TNS3: variants seen among roughly 807,000 people sequenced by gnomAD.
TNS3 encodes tensin 3, also known as tensin-3.
Under a neutral mutation model 140.9 loss-of-function variants are expected in TNS3, and 45 were observed. That is an observed-to-expected ratio of 0.32 (90% CI 0.25 to 0.41). The LOEUF (loss-of-function observed/expected upper bound fraction) is 0.41. Among genes scored for constraint, TNS3 ranks in the 10% least tolerant of loss-of-function variants. The probability of loss-of-function intolerance (pLI) is 1.00; values close to 1 mark genes in which losing one functional copy is unlikely to be tolerated. For synonymous variants in TNS3, 815 were observed against 788.4 expected (o/e 1.03, Z -0.56); for missense variants, 1,716 against 1,906.7 (o/e 0.90, Z 1.86).
chr7:47,314,773 G>T (rs1210584808), intron 20 of TNS3, among the ~76,000 whole-genome samples: 2 of 152,172 alleles, frequency 1.3e-5, no homozygotes, highest in Non-Finnish European at 2.9e-5. Flanking sequence ...GATGACCGGG[G>T]TGAGGAGCAG....
chr7:47,567,375 G>T (rs1358927511), intron 1 of TNS3, among the ~76,000 whole-genome samples: 2 of 152,012 alleles, frequency 1.3e-5, no homozygotes, highest in Non-Finnish European at 2.9e-5. Flanking sequence ...AAAAATACAA[G>T]GCCATTCACA....
chr7:47,351,937 C>G (rs1220208370), intron 17 of TNS3, among the ~76,000 whole-genome samples: 1 of 152,158 alleles, frequency 6.6e-6, no homozygotes, highest in Non-Finnish European at 1.5e-5. Flanking sequence ...CTCTCATGTG[C>G]TCCCAGTCTC....
chr7:47,335,604 T>C (rs1788590265), intron 20 of TNS3, among the ~76,000 whole-genome samples: 1 of 152,098 alleles, frequency 6.6e-6, no homozygotes, highest in African/African-American at 2.4e-5. Context: ...GCCTTCTCCG[T>C]CCCCCGACTC....
chr7:47,470,772 T>A, intron 4 of TNS3: 2 of 394,404 alleles, frequency 5.1e-6, no homozygotes, highest in Non-Finnish European at 6.9e-6. Context: ...CGGGTGGATG[T>A]AAGCTGACAC....
chr7:47,433,659 C>A (rs929981674), intron 8 of TNS3, among the ~76,000 whole-genome samples: 2 of 152,202 alleles, frequency 1.3e-5, no homozygotes, highest in African/African-American at 4.8e-5. Context: ...ATGCAGCAGG[C>A]AGCAGGTCTG....
At chr7:47,288,885 T>C (rs1261452881) in intron 27 of TNS3, among the ~76,000 whole-genome samples, 2 of 152,182 alleles carry the variant, frequency 1.3e-5, no homozygotes, top group Non-Finnish European at 2.9e-5. Context: ...GGCTAAGTGA[T>C]TTGCCAGAGA....
chr7:47,447,820 C>T (rs1795824647), intron 4 of TNS3, among the ~76,000 whole-genome samples: 1 of 152,228 alleles, frequency 6.6e-6, no homozygotes, highest in South Asian at 2.1e-4. Flanking sequence ...AACTCTAGAA[C>T]ATGTGATGAT....
intron 4 of TNS3, among the ~76,000 whole-genome samples, chr7:47,443,934 A>T (rs879333371): frequency 1.3e-5 from 2 of 152,136 alleles, no homozygotes; most frequent in Non-Finnish European, 2.9e-5. Context: ...CAAATAAACA[A>T]CAAAAAAAAA....
At chr7:47,509,321 C>T (rs1037350848) in intron 2 of TNS3, among the ~76,000 whole-genome samples, 1 of 152,176 alleles carries the variant, frequency 6.6e-6, no homozygotes, top group Non-Finnish European at 1.5e-5. Flanking sequence ...ACAAGTGACC[C>T]TCAAAGTTTT....
chr7:47,369,771 C>G, intron 16 of TNS3, 150 bp from the exon 17 acceptor site: 1 of 954,568 alleles, frequency 1.0e-6, no homozygotes, highest in Non-Finnish European at 1.5e-6. Context: ...TCTAACATCA[C>G]AAAGTTCTAT....
intron 16 of TNS3, among the ~76,000 whole-genome samples, chr7:47,377,218 A>G (rs1284076763): frequency 6.6e-6 from 1 of 152,242 alleles, no homozygotes; most frequent in Non-Finnish European, 1.5e-5. Context: ...GCAAGTGCCC[A>G]TGGTGGGCTC....
intron 4 of TNS3, among the ~76,000 whole-genome samples, chr7:47,474,980 A>G (rs903561952): frequency 6.7e-6 from 1 of 149,182 alleles, no homozygotes; most frequent in African/African-American, 2.5e-5. Flanking sequence ...CACTACACAC[A>G]CTGCAACGCA....
At chr7:47,386,176 T>C (rs1792057987) in intron 16 of TNS3, among the ~76,000 whole-genome samples, 1 of 152,246 alleles carries the variant, frequency 6.6e-6, no homozygotes. Context: ...AAAGAAACAC[T>C]AAACACATCT....
intron 1 of TNS3, among the ~76,000 whole-genome samples, chr7:47,530,639 C>T (rs989143338): frequency 1.3e-5 from 2 of 150,988 alleles, no homozygotes; most frequent in Non-Finnish European, 2.9e-5. Context: ...GCCTGGCCAA[C>T]ACGGTGAAAC....
At chr7:47,483,758 C>T (rs1797511491) in intron 3 of TNS3, among the ~76,000 whole-genome samples, 3 of 152,180 alleles carry the variant, frequency 2.0e-5, no homozygotes, top group African/African-American at 7.2e-5. Flanking sequence ...GCTCTGTAAG[C>T]CGGGACTGCC....
At chr7:47,290,942 T>C (rs1785660641) in intron 27 of TNS3, among the ~76,000 whole-genome samples, 1 of 152,158 alleles carries the variant, frequency 6.6e-6, no homozygotes, top group Admixed American at 6.5e-5. Flanking sequence ...CAATGTCCTT[T>C]AGTAGGTGAA....
intron 4 of TNS3, among the ~76,000 whole-genome samples, chr7:47,449,346 G>C (rs1795908745): frequency 6.6e-6 from 1 of 152,152 alleles, no homozygotes; most frequent in African/African-American, 2.4e-5. Flanking sequence ...CAGAGCCCTG[G>C]GTGAGCCAGC....
At chr7:47,524,134 T>C (rs991760705) in intron 2 of TNS3, among the ~76,000 whole-genome samples, 1 of 152,204 alleles carries the variant, frequency 6.6e-6, no homozygotes, top group African/African-American at 2.4e-5. Flanking sequence ...AGTGCAGCAC[T>C]GCCTGCCAGC....
chr7:47,324,934 C>T (rs1477951816), intron 20 of TNS3, among the ~76,000 whole-genome samples: 1 of 151,852 alleles, frequency 6.6e-6, no homozygotes, highest in African/African-American at 2.4e-5. Flanking sequence ...TTCCTCCAGT[C>T]AAGTGCAGCA....
Sources: gnomAD v4.1 joint callset for allele counts (sites outside exome capture counted in the v4.1 genomes callset) on GRCh38, gnomAD v4.1.1 for gene constraint, MANE v1.5 for transcripts, NCBI Gene and HGNC (gene_info 2026-07-23, HGNC 2026-07-21) for gene names.